Variants in CSMD1 observed in about 807,000 individuals in gnomAD.
The protein encoded by CSMD1 is CUB and Sushi multiple domains 1.
In CSMD1, 213 loss-of-function variants were observed where a neutral mutation model predicts 417.5. The ratio of observed to expected loss-of-function variants is 0.51; its 90% confidence interval spans 0.46 to 0.57. The LOEUF is 0.57. CSMD1 is among the 20% of genes least tolerant of loss of function. CSMD1 has a pLI of 0.00. For synonymous variants in CSMD1, 2,862 were observed against 1,736.8 expected, an observed-to-expected ratio of 1.65 and a Z score of -16.11; for missense variants, 6,923 against 4,529.7, an observed-to-expected ratio of 1.53 and a Z score of -15.17.
intron 12 of CSMD1, among the ~76,000 whole-genome samples, chr8:3,425,769 T>C (rs915484760): frequency 4.6e-5 from 7 of 152,120 alleles, no homozygotes; most frequent in Non-Finnish European, 1.0e-4. Context: ...TTTTATTCAA[T>C]AGACAGCAAA....
chr8:4,573,146 C>A lies in CSMD1; in HGVS notation c.302+64196G>T, dbSNP rs545704976. 2.6e-5 allele frequency among the ~76,000 whole-genome samples: 4 copies of A among 152,230 alleles called. No individual in the cohort carries two copies. In the South Asian group the frequency reaches 8.3e-4, roughly 32 times the overall value. On this transcript the variant is annotated intron_variant, in intron 2 of 69. Coordinates refer to ENST00000635120, the MANE Select transcript of CSMD1 (RefSeq NM_033225.6). ...AATTCATCAAACGCATTCCCTGTCCCGTTGTGTTCCCTTGCTGGCAAGGAG... is the reference window on the plus strand; with the variant it reads ...AATTCATCAAACGCATTCCCTGTCCAGTTGTGTTCCCTTGCTGGCAAGGAG...
intron 1 of CSMD1, among the ~76,000 whole-genome samples, chr8:4,794,641 C>T (rs1297319943): frequency 6.6e-6 from 1 of 152,132 alleles, no homozygotes; most frequent in South Asian, 2.1e-4. Context: ...CAGGAACCTC[C>T]CCATTGTCCC....
chr8:4,610,923 A>C (rs1014954484), intron 2 of CSMD1, among the ~76,000 whole-genome samples: 7 of 152,236 alleles, frequency 4.6e-5, no homozygotes, highest in African/African-American at 1.7e-4. Flanking sequence ...TAATGACATA[A>C]CTATGTTGGA....
intron 54 of CSMD1, among the ~76,000 whole-genome samples, chr8:2,995,837 A>G (rs758690752): frequency 2.0e-4 from 31 of 152,202 alleles, no homozygotes; most frequent in Non-Finnish European, 4.3e-4. Context: ...TTTATATAAC[A>G]TTCTTGAAGG....
At chr8:4,053,510 C>A (rs934013668) in intron 3 of CSMD1, among the ~76,000 whole-genome samples, 6 of 152,182 alleles carry the variant, frequency 3.9e-5, no homozygotes, top group Middle Eastern at 6.8e-3. Context: ...CCATCGCAAT[C>A]AAAATATGAA....
At chr8:4,157,124 A>G (rs1456980796) in intron 3 of CSMD1, among the ~76,000 whole-genome samples, 2 of 152,284 alleles carry the variant, frequency 1.3e-5, no homozygotes, top group Admixed American at 6.5e-5. Flanking sequence ...GGAAACCCTA[A>G]GAGTGTATTT....
intron 3 of CSMD1, among the ~76,000 whole-genome samples, chr8:4,322,375 T>C (rs1052913755): frequency 2.0e-5 from 3 of 152,136 alleles, no homozygotes; most frequent in African/African-American, 7.2e-5. Flanking sequence ...GAATTAGAAT[T>C]CCCCCAGTTG....
intron 1 of CSMD1, among the ~76,000 whole-genome samples, chr8:4,779,446 G>A (rs1405530112): frequency 1.3e-5 from 2 of 151,992 alleles, no homozygotes. Context: ...TCACCACAAT[G>A]TATATTTAAT....
chr8:3,974,228 T>C (rs1418635989), intron 5 of CSMD1, among the ~76,000 whole-genome samples: 1 of 151,268 alleles, frequency 6.6e-6, no homozygotes, highest in South Asian at 2.1e-4. Context: ...ATAAGAGTTA[T>C]TTTTAAATAA....
At chr8:4,331,771 C>T (rs116848886) in intron 3 of CSMD1, among the ~76,000 whole-genome samples, 2,863 of 152,238 alleles carry the variant, frequency 0.019, 40 homozygotes, top group Non-Finnish European at 0.024. Context: ...GCCAAGTCTT[C>T]CCAGGAGAGG....
intron 3 of CSMD1, among the ~76,000 whole-genome samples, chr8:4,184,500 G>A (rs568598237): frequency 4.6e-5 from 7 of 152,206 alleles, no homozygotes; most frequent in African/African-American, 1.7e-4. Flanking sequence ...AGAAAATGTG[G>A]CATGTATACA....
intron 3 of CSMD1, among the ~76,000 whole-genome samples, chr8:4,084,156 A>C (rs1007162610): frequency 3.9e-5 from 6 of 152,154 alleles, no homozygotes; most frequent in African/African-American, 1.4e-4. Flanking sequence ...TTATAAAAGC[A>C]GAATAATTAA....
At chr8:3,513,674 G>A (rs534443752) in intron 10 of CSMD1, among the ~76,000 whole-genome samples, 1 of 152,274 alleles carries the variant, frequency 6.6e-6, no homozygotes, top group African/African-American at 2.4e-5. Context: ...TATGCCAGCA[G>A]GTCCACAAAA....
At chr8:3,105,853 A>T (rs1363269380) in intron 46 of CSMD1, among the ~76,000 whole-genome samples, 1 of 152,248 alleles carries the variant, frequency 6.6e-6, no homozygotes, top group Non-Finnish European at 1.5e-5. Flanking sequence ...TGATAAAGGA[A>T]ATACTTTGTA....
intron 5 of CSMD1, among the ~76,000 whole-genome samples, chr8:3,944,222 T>C (rs536156996): frequency 2.0e-5 from 3 of 152,242 alleles, no homozygotes; most frequent in Non-Finnish European, 4.4e-5. Flanking sequence ...AAGAAAACTG[T>C]CTCTCAGGCT....
chr8:3,998,231 C>T, intron 4 of CSMD1, 121 bp from the exon 5 acceptor site: 1 of 762,088 alleles, frequency 1.3e-6, no homozygotes. Context: ...AATTGAGACA[C>T]TCAATCTGAA....
intron 7 of CSMD1, among the ~76,000 whole-genome samples, chr8:3,659,599 C>A (rs544586171): frequency 6.6e-6 from 1 of 152,168 alleles, no homozygotes; most frequent in South Asian, 2.1e-4. Context: ...TGAATTGGTC[C>A]CTTTGGGATT....
intron 12 of CSMD1, among the ~76,000 whole-genome samples, chr8:3,431,387 T>C (rs778934306): frequency 6.6e-6 from 1 of 152,182 alleles, no homozygotes; most frequent in Non-Finnish European, 1.5e-5. Flanking sequence ...ACTAGGCAGT[T>C]GCTTTAGTGT....
chr8:3,289,715 T>C lies in CSMD1; in HGVS notation c.3951-5369A>G, dbSNP rs1340062533. Among the ~76,000 whole-genome samples the C allele has an allele frequency of 3.4e-5, 5 of 147,442 alleles. 1 individual carries two copies. The East Asian group carries it at 9.8e-4, about 29-fold the overall frequency. ...AAATTTGTTGGAGTTCATTGTAGAT[T>C]CTGGATATTAGCCCTTTGTCAGATG... On this transcript the variant is annotated intron_variant, in intron 25 of 69. Transcript: ENST00000635120.
Sources: allele counts gnomAD v4.1 joint callset (sites outside exome capture counted in the v4.1 genomes callset), GRCh38; gene constraint gnomAD v4.1.1; transcripts MANE v1.5; gene names NCBI Gene and HGNC (gene_info 2026-07-23, HGNC 2026-07-21).